CSF1R: variants seen among roughly 807,000 people sequenced by gnomAD.
CSF1R encodes the protein colony stimulating factor 1 receptor, also known as macrophage colony-stimulating factor 1 receptor.
CSF1R carries 40 observed loss-of-function variants against 110.0 expected under a neutral mutation model. The observed-to-expected ratio is 0.36, with a 90% CI of 0.28 to 0.47. The LOEUF is 0.47. CSF1R is among the 20% of genes least tolerant of loss of function. The pLI is 0.99. For missense variants in CSF1R, 1,052 were observed against 1,253.0 expected, an observed-to-expected ratio of 0.84 and a Z score of 2.42; for synonymous variants, 523 against 503.4, an observed-to-expected ratio of 1.04 and a Z score of -0.52.
intron 1 of CSF1R, 128 bp from the exon 2 acceptor site, chr5:150,081,152 G>T: frequency 9.7e-7 from 1 of 1,026,864 alleles, no homozygotes; most frequent in Non-Finnish European, 1.4e-6. Context: ...CCTTGAACGA[G>T]CCCCTGCCCC....
At chr5:150,069,347 G>C (rs904306609) in intron 9 of CSF1R, among the ~76,000 whole-genome samples, 15 of 152,336 alleles carry the variant, frequency 9.8e-5, no homozygotes, top group Admixed American at 9.8e-4. Context: ...GTTGTGCACA[G>C]GGCCGGGCAT....
At chr5:150,079,323 C>T (rs866714273) in intron 3 of CSF1R, among the ~76,000 whole-genome samples, 2 of 152,216 alleles carry the variant, frequency 1.3e-5, no homozygotes, top group Non-Finnish European at 2.9e-5. Flanking sequence ...TCACTCTGAC[C>T]CTGGCCCTTG....
At position 150,053,484 on chromosome 5, in the gene CSF1R, C is replaced by T. The variant is rs976968219; in HGVS notation, c.*585G>A. ...CCCAACTTTTAGCTGCCACTTGGCT[C>T]ATTACAGCAGTACCAGTATGGGGGT... On this transcript the variant is annotated 3_prime_UTR_variant, in exon 21 of 21. Coordinates refer to ENST00000675795, the MANE Select transcript of CSF1R (RefSeq NM_001288705.3). The T allele has an allele frequency of 3.4e-5, 8 of 236,724 alleles. No homozygotes were observed. Among genetic ancestry groups the T allele is most frequent in the African/African-American group, 1.1e-4 (5 of 45,322 alleles). 14.7% of individuals were successfully genotyped at this position (236,724 alleles called of 1,614,324 possible).
chr5:150,081,831 A>G (rs1212088971), intron 1 of CSF1R, among the ~76,000 whole-genome samples: 1 of 152,200 alleles, frequency 6.6e-6, no homozygotes, highest in Non-Finnish European at 1.5e-5. Flanking sequence ...TGAAGGAGAA[A>G]AGAGAACTTG....
Position 150,055,245 on chromosome 5 carries a change from T to C in CSF1R, c.2646A>G (p.Pro882=), listed in dbSNP as rs973780212. 3 of 1,613,984 alleles carry C rather than the reference T, an allele frequency of 1.9e-6. No individual in the cohort carries two copies. The African/African-American group carries it at 4.0e-5, about 22-fold the overall frequency. ...GYQMAQPAFA[P]KNIYSIMQAC... is the part of the protein sequence containing the mutation. ...GGGATCCCTTCGCTTACATATTCTT[T>C]GGGGCAAATGCAGGCTGGGCCATTT... Residue 882 remains proline (P), a synonymous_variant, in exon 19 of 21, where the codon CCA becomes CCG. Transcript: ENST00000675795.
At chr5:150,098,689 A>C (rs1186233297) in intron 1 of CSF1R, among the ~76,000 whole-genome samples, 1 of 152,124 alleles carries the variant, frequency 6.6e-6, no homozygotes, top group East Asian at 1.9e-4. Context: ...ATTCAGTAAA[A>C]ACAAGGAAAA....
At chr5:150,074,309 T>C (rs1363318668) in intron 5 of CSF1R, among the ~76,000 whole-genome samples, 2 of 141,500 alleles carry the variant, frequency 1.4e-5, no homozygotes, top group African/African-American at 6.1e-5. Flanking sequence ...TGACTAGTTT[T>C]TTTTTTTTTT....
chr5:150,068,128 GAGGA>G, intron 10 of CSF1R, 83 bp downstream of exon 10: 1 of 984,040 alleles, frequency 1.0e-6, no homozygotes, highest in East Asian at 2.4e-5. Flanking sequence ...GACTGAGGAG[GAGGA>G]AGGGTGAATC....
intron 1 of CSF1R, among the ~76,000 whole-genome samples, chr5:150,101,178 T>A (rs1281898499): frequency 6.6e-6 from 1 of 152,114 alleles, no homozygotes; most frequent in Non-Finnish European, 1.5e-5. Context: ...GGTGTTCCAG[T>A]TTCAAGCCTA....
chr5:150,060,014 A>ACCAGGCACAGATCTTG, intron 13 of CSF1R, 152 bp from the exon 14 acceptor site: 1 of 867,820 alleles, frequency 1.2e-6, no homozygotes. Context: ...CTTGTGCCTC[A>ACCAGGCACAGATCTTG]GTAGTTCCAT....
chr5:150,058,651 A>G (rs149538877), intron 14 of CSF1R, among the ~76,000 whole-genome samples: 47 of 152,286 alleles, frequency 3.1e-4, no homozygotes, highest in African/African-American at 1.1e-3. Context: ...CCACCCTCAT[A>G]GAAGTGTCAG....
chr5:150,086,120 C>T (rs1758834212), intron 1 of CSF1R, among the ~76,000 whole-genome samples: 1 of 152,182 alleles, frequency 6.6e-6, no homozygotes, highest in South Asian at 2.1e-4. Context: ...TCAAGAGTAT[C>T]AGAGGCTTGC....
chr5:150,068,544 C>T, intron 9 of CSF1R, among the ~76,000 whole-genome samples: 1 of 152,140 alleles, frequency 6.6e-6, no homozygotes, highest in East Asian at 1.9e-4. Context: ...ATGCCCAGCC[C>T]CAAACCCTGT....
intron 1 of CSF1R, among the ~76,000 whole-genome samples, chr5:150,083,364 A>G (rs938046484): frequency 3.6e-5 from 5 of 138,360 alleles, no homozygotes; most frequent in Non-Finnish European, 6.1e-5. Flanking sequence ...ACACACACAC[A>G]CACACACACA....
chr5:150,057,368 A>G lies in CSF1R; in HGVS notation c.2238T>C (p.Asp746=), dbSNP rs749466218. The stretch of plus-strand genomic sequence containing the variant: ...GGTCCCGGAGCTCCAGGGGCCGTCC[A>G]TCCTCCTTGTCCAGGTCTAGGGTGG... ...SFSEQDLDKE[D]GRPLELRDLL... is the part of the protein sequence containing the mutation. Residue 746 remains aspartate (D), a synonymous_variant, in exon 16 of 21, where the codon GAT becomes GAC. Transcript: ENST00000675795. 14 of 1,613,922 alleles carry G rather than the reference A, an allele frequency of 8.7e-6. No homozygotes were observed.
intron 6 of CSF1R, 29 bp from the exon 7 acceptor site, chr5:150,070,600 G>A: frequency 1.4e-6 from 2 of 1,459,808 alleles, no homozygotes; most frequent in Non-Finnish European, 1.8e-6. Context: ...TGGTGTTGGT[G>A]AGCCCCAGCC....
At chr5:150,082,960 C>T (rs1289889066) in intron 1 of CSF1R, among the ~76,000 whole-genome samples, 1 of 152,182 alleles carries the variant, frequency 6.6e-6, no homozygotes, top group Admixed American at 6.5e-5. Context: ...GGGCTTCTCC[C>T]ATCCCTTCCC....
Position 150,080,821 on chromosome 5 carries a change from T to A in CSF1R, c.253A>T (p.Thr85Ser), listed in dbSNP as rs1402591976. The A allele has an allele frequency of 6.2e-7, 1 of 1,614,026 alleles. No individual in the cohort carries two copies. Residue 85 changes from threonine (T) to serine (S), a missense_variant, in exon 2 of 21, where the codon ACT becomes TCT. Physicochemically the swap from Thr to Ser is moderately conservative, Grantham distance 58 (BLOSUM62 1). Transcript: ENST00000675795. ...CCTCCCAGGGGGTCTCCAGGCTCAG[T>A]GCAGCGATAGGTCCCCGTGTTTTGG... is the stretch of plus-strand genomic sequence containing the variant. ...TFQNTGTYRC[T>S]EPGDPLGGSA...
chr5:150,073,850 G>A (rs560805624), intron 5 of CSF1R, among the ~76,000 whole-genome samples: 36 of 152,264 alleles, frequency 2.4e-4, no homozygotes, highest in African/African-American at 7.9e-4. Context: ...ACAATTTCAC[G>A]TGTCCTCATC....
Sources: gnomAD v4.1 joint callset for allele counts (sites outside exome capture counted in the v4.1 genomes callset) on GRCh38, gnomAD v4.1.1 for gene constraint, MANE v1.5 for transcripts, NCBI Gene and HGNC (gene_info 2026-07-23, HGNC 2026-07-21) for gene names.